The following ALKBH2 variants were observed in gnomAD, a reference collection of about 807,000 sequenced individuals.
ALKBH2 encodes DNA oxidative demethylase ALKBH2.
ALKBH2 carries 19 observed loss-of-function variants against 19.7 expected under a neutral mutation model. The ratio of observed to expected loss-of-function variants is 0.97; its 90% CI spans 0.67 to 1.42. The LOEUF (loss-of-function observed/expected upper bound fraction) is 1.42, where lower values mean the gene tolerates loss of function less well. Ranked by LOEUF, ALKBH2 falls within the 40% of genes most tolerant of loss-of-function variation. ALKBH2 has a pLI of 0.00. For missense variants in ALKBH2, 310 were observed against 328.5 expected, an observed-to-expected ratio of 0.94 and a Z score of 0.43; for synonymous variants, 135 against 131.2, an observed-to-expected ratio of 1.03 and a Z score of -0.20.
Position 109,088,485 on chromosome 12 carries a change from C to T in ALKBH2, c.507G>A (p.Gly169=). The T allele has an allele frequency of 6.2e-7, 1 of 1,606,536 alleles. No individual in the cohort carries two copies. Among genetic ancestry groups the T allele is most frequent in the South Asian group, 1.1e-5 (1 of 90,854 alleles). The change falls in exon 4 of 4, where the codon GGG becomes GGA. Residue 169 remains glycine (G), a synonymous_variant. Transcript: ENST00000429722. The surrounding 1 kb of genome is among the most constrained non-coding windows in gnomAD (Gnocchi z 4.2). ...NRYKDGCDHI[G]EHRDDERELA... is the part of the protein sequence containing the mutation. Reference sequence around the variant, plus strand: ...GTTCTCTTTCATCATCTCGGTGCTCCCCGATGTGGTCACAGCCATCTTTAT... The same window carrying T: ...GTTCTCTTTCATCATCTCGGTGCTCTCCGATGTGGTCACAGCCATCTTTAT...
intron 2 of ALKBH2, 89 bp downstream of exon 2, chr12:109,092,417 TG>T: frequency 7.0e-7 from 1 of 1,428,044 alleles, no homozygotes; most frequent in Non-Finnish European, 9.2e-7. Context: ...TAATGGATCC[TG>T]AGTTCAGATT....
Position 109,088,906 on chromosome 12 carries a change from T to G in ALKBH2, c.480-394A>C, listed in dbSNP as rs999834791. Among the ~76,000 whole-genome samples the G allele has an allele frequency of 6.6e-6, 1 of 152,088 alleles. No individual in the cohort carries two copies. The highest frequency in any genetic ancestry group is 1.5e-5 in the Non-Finnish European group (1 of 68,004). On this transcript the variant is annotated intron_variant, in intron 3 of 3. Transcript: ENST00000429722. This position sits in a 1 kb window ranked among gnomAD's most constrained non-coding sequence, Gnocchi z 4.2. ...ATTTCTTTTCTTTTGCAGAAACAGTTTCACCATGTTACCCAGGCTGGTCTC... is the reference window on the plus strand; with the variant it reads ...ATTTCTTTTCTTTTGCAGAAACAGTGTCACCATGTTACCCAGGCTGGTCTC...
At position 109,090,083 on chromosome 12, in the gene ALKBH2, G is replaced by C; in HGVS notation, c.405C>G (p.Ile135Met). 1 of 1,614,198 alleles carries C rather than the reference G, an allele frequency of 6.2e-7. No individual in the cohort carries two copies. Among genetic ancestry groups the C allele is most frequent in the Non-Finnish European group, 8.5e-7 (1 of 1,180,030 alleles). Residue 135 changes from isoleucine to methionine, a missense_variant, in exon 3 of 4, where the codon ATC becomes ATG. Physicochemically the swap from Ile to Met is conservative, Grantham distance 10 (BLOSUM62 1). Transcript: ENST00000429722. The stretch of plus-strand genomic sequence containing the variant: ...GATCCCGGATGCGCTCTAGAACTGG[G>C]ATCCAGGGCTTTGGAGACAGCGTGA... ...SGLTLSPKPW[I>M]PVLERIRDHV...
At chr12:109,092,442 G>C in intron 2 of ALKBH2, 65 bp downstream of exon 2, 1 of 1,459,088 alleles carries the variant, frequency 6.9e-7, no homozygotes, top group Non-Finnish European at 9.0e-7. Flanking sequence ...CCAAACATAC[G>C]ATCATTAATT....
At position 109,090,220 on chromosome 12, in the gene ALKBH2, A is replaced by T; in HGVS notation, c.281-13T>A. The T allele has an allele frequency of 6.2e-7, 1 of 1,611,456 alleles. No homozygotes were observed. The highest frequency in any genetic ancestry group is 8.5e-7 in the Non-Finnish European group (1 of 1,179,782). On this transcript the variant is annotated splice_polypyrimidine_tract_variant and intron_variant, in intron 2 of 3. Coordinates refer to ENST00000429722, the MANE Select transcript of ALKBH2 (RefSeq NM_001145374.2). The stretch of plus-strand genomic sequence containing the variant: ...CTGGCCAGTGCTCCTGTGCAGAGGA[A>T]ACATGGCAGTTCCTTTCTACCTGAC...
Position 109,092,308 on chromosome 12 carries a change from TCCA to T in ALKBH2, c.280+196_280+198del, listed in dbSNP as rs2042073548. 9.6e-6 allele frequency: 7 copies of T among 732,500 alleles called. No individual in the cohort carries two copies. In the South Asian group the frequency reaches 3.0e-4, roughly 32 times the overall value. The allele number at this position is 732,500 out of a possible 1,614,324, so 45.4% of individuals were successfully genotyped here. A position where few individuals can be genotyped will look rare whatever the true frequency, so the allele number is the denominator to read the frequency against. ...CTGTCAGCTCCTAGTAGACAGGCAA[TCCA>T]GTTTCTTTCAAGTTTATGTCCCAAG... On this transcript the variant is annotated intron_variant, in intron 2 of 3. Transcript: ENST00000429722.
intron 2 of ALKBH2, 138 bp from the exon 3 acceptor site, chr12:109,090,345 G>A: frequency 2.8e-6 from 2 of 702,096 alleles, no homozygotes; most frequent in South Asian, 1.7e-5. Flanking sequence ...GATTGAAAGG[G>A]AAGTAAGGAA....
chr12:109,090,048 C>G lies in ALKBH2; in HGVS notation c.440G>C (p.Gly147Ala). The change falls in exon 3 of 4, where the codon GGG becomes GCG. Residue 147 changes from glycine (G) to alanine (A), a missense_variant. Transcript: ENST00000429722. Reference protein sequence around the residue: ...VLERIRDHVSGVTGQTFNFVL... With the variant: ...VLERIRDHVSAVTGQTFNFVL... ...AAAGTTGAAGGTCTGTCCAGTCACC[C>G]CAGAGACGTGATCCCGGATGCGCTC... is the stretch of plus-strand genomic sequence containing the variant. 1 of 1,614,134 alleles carries G rather than the reference C, an allele frequency of 6.2e-7. No homozygotes were observed. Among genetic ancestry groups the G allele is most frequent in the Non-Finnish European group, 8.5e-7 (1 of 1,180,004 alleles).
chr12:109,093,391 G>GTGGC lies in ALKBH2; in HGVS notation c.-300_-297dup, dbSNP rs1207456267. 1 of 152,404 alleles carries GTGGC rather than the reference G, an allele frequency of 6.6e-6. No homozygotes were observed. The highest frequency in any genetic ancestry group is 6.5e-5 in the Admixed American group (1 of 15,288). The allele number at this position is 152,404 out of a possible 1,614,324, so 9.4% of individuals were successfully genotyped here. On this transcript the variant is annotated 5_prime_UTR_variant, in exon 1 of 4. An upstream open reading frame in the 5' UTR loses its in-frame stop. Transcript: ENST00000429722. ...ACTGCAACACGTCCGTGGGGTGGGG[G>GTGGC]TGGCAAGAGTGCTCTAGCATCGCAG...
Position 109,090,067 on chromosome 12 carries a change from T to A in ALKBH2, c.421A>T (p.Ile141Phe). The A allele has an allele frequency of 6.2e-7, 1 of 1,614,186 alleles. No individual in the cohort carries two copies. ...GTCACCCCAGAGACGTGATCCCGGATGCGCTCTAGAACTGGGATCCAGGGC... is the reference window on the plus strand; with the variant it reads ...GTCACCCCAGAGACGTGATCCCGGAAGCGCTCTAGAACTGGGATCCAGGGC... The part of the protein sequence containing the change: ...PKPWIPVLER[I>F]RDHVSGVTGQ... The change falls in exon 3 of 4, where the codon ATC becomes TTC. Residue 141 changes from isoleucine (I) to phenylalanine (F), a missense_variant. Physicochemically the swap from Ile to Phe is conservative, Grantham distance 21 (BLOSUM62 0). Coordinates refer to ENST00000429722, the MANE Select transcript of ALKBH2 (RefSeq NM_001145374.2).
At chr12:109,091,802 G>C (rs149027203) in intron 2 of ALKBH2, among the ~76,000 whole-genome samples, 5,090 of 152,208 alleles carry the variant, frequency 0.033, 282 homozygotes, top group African/African-American at 0.12. Context: ...CGCCCGTCTC[G>C]GGCTCCCAAA....
chr12:109,092,574 G>C lies in ALKBH2; in HGVS notation c.213C>G (p.Val71=). 6.2e-7 allele frequency: 1 copy of C among 1,613,110 alleles called. No homozygotes were observed. Residue 71 remains valine, a synonymous_variant, in exon 2 of 4, where the codon GTC becomes GTG. Coordinates refer to ENST00000429722, the MANE Select transcript of ALKBH2 (RefSeq NM_001145374.2). ...RAEGLDCSYT[V]LFGKAEADEI... Reference sequence around the variant, plus strand: ...CATCTGCCTCAGCTTTGCCAAACAGGACTGTGTAACTGCAGTCCAGGCCCT... The same window carrying C: ...CATCTGCCTCAGCTTTGCCAAACAGCACTGTGTAACTGCAGTCCAGGCCCT...
chr12:109,089,565 C>A (rs1239739783), intron 3 of ALKBH2: 1 of 207,076 alleles, frequency 4.8e-6, no homozygotes, highest in Middle Eastern at 2.0e-3. Context: ...AACCTCTCAG[C>A]CATTCTCAGT....
At chr12:109,090,802 A>T (rs1187372810) in intron 2 of ALKBH2, among the ~76,000 whole-genome samples, 1 of 152,150 alleles carries the variant, frequency 6.6e-6, no homozygotes, top group East Asian at 1.9e-4. Context: ...CAGTCTCCCA[A>T]AGTCTGGGAT....
At chr12:109,089,847 C>T (rs762118138) in intron 3 of ALKBH2, 162 bp downstream of exon 3, 27 of 691,836 alleles carry the variant, frequency 3.9e-5, no homozygotes, top group Non-Finnish European at 6.6e-5. Context: ...GGATGAGCTC[C>T]AGGATCCAGG....
intron 3 of ALKBH2, chr12:109,089,705 G>A (rs976295612): frequency 5.3e-6 from 2 of 374,032 alleles, no homozygotes; most frequent in African/African-American, 4.1e-5. Context: ...CTTGAGCCTA[G>A]CAGTTTGAGA....
chr12:109,093,159 A>C (rs1029978989), intron 1 of ALKBH2, 88 bp downstream of exon 1: 1 of 202,558 alleles, frequency 4.9e-6, no homozygotes, highest in African/African-American at 2.3e-5. Flanking sequence ...CTCATTTTGC[A>C]GAAGGGGAAA....
chr12:109,089,891 G>T, intron 3 of ALKBH2, 118 bp downstream of exon 3: 2 of 1,073,556 alleles, frequency 1.9e-6, no homozygotes, highest in Non-Finnish European at 2.7e-6. Flanking sequence ...CACTCTTAGA[G>T]CCCCAGTGTA....
chr12:109,088,985 C>T lies in ALKBH2; in HGVS notation c.480-473G>A, dbSNP rs991912547. On this transcript the variant is annotated intron_variant, in intron 3 of 3. Transcript: ENST00000429722. The surrounding 1 kb of genome is among the most constrained non-coding windows in gnomAD (Gnocchi z 4.2). ...TTGGCCTCCCAAAGTGTTGGGATTACAGGCATGAGTCACCACGTCCGGCCA... is the reference window on the plus strand; with the variant it reads ...TTGGCCTCCCAAAGTGTTGGGATTATAGGCATGAGTCACCACGTCCGGCCA... Among the ~76,000 whole-genome samples the T allele has an allele frequency of 6.6e-6, 1 of 152,230 alleles. No homozygotes were observed. The highest frequency in any genetic ancestry group is 2.4e-5 in the African/African-American group (1 of 41,458).
Sources: allele counts gnomAD v4.1 joint callset (sites outside exome capture counted in the v4.1 genomes callset), GRCh38; gene constraint gnomAD v4.1.1; non-coding constraint Gnocchi (gnomAD v3.1); transcripts MANE v1.5; gene names NCBI Gene and HGNC (gene_info 2026-07-23, HGNC 2026-07-21).